PABPC4L: variants seen among roughly 807,000 people sequenced by gnomAD.
PABPC4L encodes poly(A) binding protein cytoplasmic 4 like, also known as polyadenylate-binding protein 4-like.
For synonymous variants in PABPC4L, 169 were observed against 164.1 expected, an observed-to-expected ratio of 1.03 and a Z score of -0.23; for missense variants, 452 against 451.4, an observed-to-expected ratio of 1.00 and a Z score of -0.01.
the PABPC4L span, among the ~76,000 whole-genome samples, chr4:133,968,053 G>T: frequency 6.6e-6 from 1 of 152,132 alleles, no homozygotes; most frequent in Non-Finnish European, 1.5e-5. Flanking sequence ...AGGAATAAAT[G>T]ACATCCTACT....
the PABPC4L span, among the ~76,000 whole-genome samples, chr4:134,069,986 G>C: frequency 1.7e-5 from 1 of 57,568 alleles, no homozygotes; most frequent in Admixed American, 2.0e-4. Flanking sequence ...GTCCTTTGGA[G>C]GGTTTTTTTT....
the PABPC4L span, among the ~76,000 whole-genome samples, chr4:134,103,483 C>T: frequency 6.6e-6 from 1 of 151,564 alleles, no homozygotes; most frequent in Non-Finnish European, 1.5e-5. Context: ...CACATGGTTC[C>T]CGTTTGTGCA....
At chr4:134,172,085 C>T in the PABPC4L span, among the ~76,000 whole-genome samples, 8 of 152,048 alleles carry the variant, frequency 5.3e-5, no homozygotes, top group African/African-American at 1.9e-4. Context: ...TTATAATGGC[C>T]ATATTACCCA....
chr4:133,998,363 T>G, the PABPC4L span, among the ~76,000 whole-genome samples: 5 of 152,126 alleles, frequency 3.3e-5, no homozygotes, highest in East Asian at 5.8e-4. Context: ...ACCCATTGAT[T>G]TGCAATGTTA....
At chr4:134,033,099 A>G in the PABPC4L span, among the ~76,000 whole-genome samples, 4 of 151,466 alleles carry the variant, frequency 2.6e-5, no homozygotes, top group Admixed American at 6.6e-5. Flanking sequence ...ATTTTTACAA[A>G]AGGAGGTACT....
At chr4:133,988,052 G>A in the PABPC4L span, among the ~76,000 whole-genome samples, 1 of 152,248 alleles carries the variant, frequency 6.6e-6, no homozygotes, top group South Asian at 2.1e-4. Context: ...TCACTGTCAT[G>A]CAAATAGCAT....
the PABPC4L span, among the ~76,000 whole-genome samples, chr4:134,143,128 T>G: frequency 6.6e-6 from 1 of 151,518 alleles, no homozygotes; most frequent in Non-Finnish European, 1.5e-5. Context: ...ACTATTTCCC[T>G]CAAAATATAT....
chr4:134,055,906 T>C, the PABPC4L span, among the ~76,000 whole-genome samples: 1 of 152,018 alleles, frequency 6.6e-6, no homozygotes, highest in Non-Finnish European at 1.5e-5. Context: ...CCCTAGATTA[T>C]GAAGACTTTT....
At chr4:134,147,441 T>G in the PABPC4L span, among the ~76,000 whole-genome samples, 1 of 152,108 alleles carries the variant, frequency 6.6e-6, no homozygotes, top group Admixed American at 6.6e-5. Flanking sequence ...ATTAACTATT[T>G]TGCTAATATT....
chr4:134,044,308 G>A, the PABPC4L span, among the ~76,000 whole-genome samples: 1 of 152,078 alleles, frequency 6.6e-6, no homozygotes, highest in South Asian at 2.1e-4. Context: ...CTGTCGCCCA[G>A]GCTGGAGTGC....
At chr4:134,165,244 A>G in the PABPC4L span, among the ~76,000 whole-genome samples, 1 of 152,204 alleles carries the variant, frequency 6.6e-6, no homozygotes, top group Admixed American at 6.5e-5. Flanking sequence ...TATGACTAAT[A>G]TCCCAAAAGC....
In PABPC4L at chr4:134,198,053, A is replaced by G. The variant is rs1202658603; in HGVS notation, c.*1854T>C. On this transcript the variant is annotated 3_prime_UTR_variant, in exon 2 of 2. Coordinates refer to ENST00000421491, the MANE Select transcript of PABPC4L (RefSeq NM_001114734.2). ...AGAAGAAAAAAGGAAGAAATTATCT[A>G]GCAACAAGAAGTTTATCAATAAGAA... The G allele has an allele frequency of 1.3e-5, 2 of 151,844 alleles. No homozygotes were observed. The highest frequency in any genetic ancestry group is 3.0e-5 in the Non-Finnish European group (2 of 67,720). 9.4% of individuals were successfully genotyped at this position (151,844 alleles called of 1,614,324 possible). A position where few individuals can be genotyped will look rare whatever the true frequency, so the allele number is the denominator to read the frequency against.
chr4:134,084,147 C>T, the PABPC4L span, among the ~76,000 whole-genome samples: 1 of 152,074 alleles, frequency 6.6e-6, no homozygotes, highest in Non-Finnish European at 1.5e-5. Context: ...CTCCTGGGCC[C>T]AAGGGATTAT....
At chr4:134,112,523 G>A in the PABPC4L span, among the ~76,000 whole-genome samples, 4 of 151,612 alleles carry the variant, frequency 2.6e-5, no homozygotes, top group Non-Finnish European at 4.4e-5. Context: ...AGTTGTTACT[G>A]CAAAAAACAA....
the PABPC4L span, among the ~76,000 whole-genome samples, chr4:133,986,566 TG>T: frequency 1.3e-5 from 2 of 152,136 alleles, no homozygotes; most frequent in African/African-American, 4.8e-5. Context: ...CAAATATCAC[TG>T]TAAAGTACTG....
chr4:134,026,518 G>T, the PABPC4L span, among the ~76,000 whole-genome samples: 44 of 152,026 alleles, frequency 2.9e-4, no homozygotes, highest in African/African-American at 1.0e-3. Flanking sequence ...AAATGTAGTA[G>T]TTAATATGCA....
the PABPC4L span, among the ~76,000 whole-genome samples, chr4:134,096,670 G>C: frequency 6.6e-6 from 1 of 151,874 alleles, no homozygotes; most frequent in African/African-American, 2.4e-5. Context: ...TGAAATATTA[G>C]TGTGCCTTTT....
the PABPC4L span, among the ~76,000 whole-genome samples, chr4:134,150,028 T>A: frequency 2.0e-4 from 31 of 151,928 alleles, no homozygotes; most frequent in African/African-American, 4.8e-5. Context: ...GACAGACCAT[T>A]TTTGCTGTTT....
chr4:134,085,490 T>C, the PABPC4L span, among the ~76,000 whole-genome samples: 1 of 152,026 alleles, frequency 6.6e-6, no homozygotes, highest in Non-Finnish European at 1.5e-5. Context: ...GTGCACATCT[T>C]GCTTAATTAT....
Sources: allele counts gnomAD v4.1 joint callset (sites outside exome capture counted in the v4.1 genomes callset), GRCh38; gene constraint gnomAD v4.1.1; transcripts MANE v1.5; gene names NCBI Gene and HGNC (gene_info 2026-07-23, HGNC 2026-07-21).